Variants in PKD2L1 observed in about 807,000 individuals in gnomAD.
PKD2L1 encodes polycystin 2 like 1, transient receptor potential cation channel, also known as polycystin-2-like protein 1.
Under a neutral mutation model 93.0 loss-of-function variants are expected in PKD2L1, and 77 were observed. That is an observed-to-expected ratio of 0.83 (90% CI 0.69 to 1.00). The LOEUF is 1.00. PKD2L1 is among the 50% of genes least tolerant of loss of function. The pLI, the probability that PKD2L1 is intolerant of heterozygous loss-of-function variation, is 0.00. For synonymous variants in PKD2L1, 390 were observed against 388.0 expected, an observed-to-expected ratio of 1.01 and a Z score of -0.06; for missense variants, 977 against 990.9, an observed-to-expected ratio of 0.99 and a Z score of 0.19.
chr10:100,328,697 G>A (rs527331409), intron 2 of PKD2L1, among the ~76,000 whole-genome samples: 18 of 151,868 alleles, frequency 1.2e-4, no homozygotes, highest in Middle Eastern at 3.4e-3. Context: ...GGGTTTAAGC[G>A]ATTCTCCTGC....
chr10:100,295,503 A>G (rs2134380329), intron 7 of PKD2L1, among the ~76,000 whole-genome samples: 1 of 151,210 alleles, frequency 6.6e-6, no homozygotes, highest in African/African-American at 2.4e-5. Context: ...AGGCTGAGGC[A>G]GGTGGATGGC....
chr10:100,291,009 C>T lies in PKD2L1; in HGVS notation c.2007+292G>A, dbSNP rs1026095467. ...AGCCTGTGTTTTAGAGCATGATTCT[C>T]AACCTTGGCTATGTATTGGAATCAC... is the stretch of plus-strand genomic sequence containing the variant. On this transcript the variant is annotated intron_variant, in intron 12 of 15. Coordinates refer to ENST00000318222, the MANE Select transcript of PKD2L1 (RefSeq NM_016112.3). 7.2e-5 allele frequency among the ~76,000 whole-genome samples: 11 copies of T among 152,280 alleles called. No individual in the cohort carries two copies. In the East Asian group the frequency reaches 2.1e-3, roughly 29 times the overall value.
At chr10:100,323,391 C>T (rs1849305912) in intron 2 of PKD2L1, among the ~76,000 whole-genome samples, 1 of 152,162 alleles carries the variant, frequency 6.6e-6, no homozygotes, top group South Asian at 2.1e-4. Context: ...GCCTCAGCTT[C>T]CTGAGTAGCT....
At chr10:100,322,741 T>C (rs1423183490) in intron 2 of PKD2L1, among the ~76,000 whole-genome samples, 1 of 152,094 alleles carries the variant, frequency 6.6e-6, no homozygotes, top group Non-Finnish European at 1.5e-5. Flanking sequence ...GGGCACGGAG[T>C]GGTCCTTGCT....
chr10:100,296,158 G>A lies in PKD2L1; in HGVS notation c.1320C>T (p.Asn440=), dbSNP rs1484196107. ...CGAAGAAGAGGTTGACAGCATTCAT[G>A]TTGTTGTACTGTGTCTGCCAGAAGG... ...FLAFWQTQYN[N]MNAVNLFFAW... Residue 440 remains asparagine (N), a synonymous_variant, in exon 7 of 16, where the codon AAC becomes AAT. Coordinates refer to ENST00000318222, the MANE Select transcript of PKD2L1 (RefSeq NM_016112.3). The A allele has an allele frequency of 2.5e-6, 4 of 1,611,628 alleles. No homozygotes were observed. Among genetic ancestry groups the A allele is most frequent in the South Asian group, 1.1e-5 (1 of 90,508 alleles).
chr10:100,292,484 C>A lies in PKD2L1; in HGVS notation c.1880+464G>T, dbSNP rs552782158. On this transcript the variant is annotated intron_variant, in intron 11 of 15. Coordinates refer to ENST00000318222, the MANE Select transcript of PKD2L1 (RefSeq NM_016112.3). ...CTCCAGCCTGGGCAACAGAGCAGGA[C>A]TTTGTCTCAAAAAAAAAAAAAAAAT... Among the ~76,000 whole-genome samples, 8 of 145,272 alleles carry A rather than the reference C, an allele frequency of 5.5e-5. No individual in the cohort carries two copies. In the South Asian group the frequency reaches 1.7e-3, roughly 31 times the overall value.
At chr10:100,321,808 G>A (rs1311482039) in intron 2 of PKD2L1, among the ~76,000 whole-genome samples, 2 of 6,184 alleles carry the variant, frequency 3.2e-4, no homozygotes, top group Admixed American at 3.2e-3. Context: ...GGGAGGGAGG[G>A]AGGAAGGAAG....
At position 100,309,170 on chromosome 10, in the gene PKD2L1, G is replaced by T. The variant is rs546345839; in HGVS notation, c.350-9452C>A. Among the ~76,000 whole-genome samples, 32 of 152,212 alleles carry T rather than the reference G, an allele frequency of 2.1e-4. No homozygotes were observed. In the South Asian group the frequency reaches 5.6e-3, roughly 27 times the overall value. ...TTATGAGATCACTGAGTCACTTAATGGAATATGATACAGTCATCGAAATAG... is the reference window on the plus strand; with the variant it reads ...TTATGAGATCACTGAGTCACTTAATTGAATATGATACAGTCATCGAAATAG... On this transcript the variant is annotated intron_variant, in intron 2 of 15. Coordinates refer to ENST00000318222, the MANE Select transcript of PKD2L1 (RefSeq NM_016112.3).
chr10:100,313,713 C>T (rs1435473731), intron 2 of PKD2L1, among the ~76,000 whole-genome samples: 3 of 152,166 alleles, frequency 2.0e-5, no homozygotes, highest in Non-Finnish European at 2.9e-5. Flanking sequence ...TTATATCTAT[C>T]TACCCTCAAT....
At chr10:100,295,428 T>TAAAA (rs751427378) in intron 7 of PKD2L1, among the ~76,000 whole-genome samples, 3 of 71,224 alleles carry the variant, frequency 4.2e-5, no homozygotes, top group South Asian at 4.4e-4. Context: ...CTGGGACCAT[T>TAAAA]AAAAAAAAAA....
intron 2 of PKD2L1, among the ~76,000 whole-genome samples, chr10:100,324,556 C>T (rs1849334871): frequency 6.6e-6 from 1 of 152,152 alleles, no homozygotes; most frequent in Non-Finnish European, 1.5e-5. Context: ...TGGCTTCTCT[C>T]TTGAAAGGTA....
In PKD2L1 at chr10:100,330,023, A is replaced by G. The variant is rs1476990089; in HGVS notation, c.81T>C (p.Gly27=). ...SGAWDNPAYS[G]PPSPHGTLRV... ...TCAGCGTCCCGTGTGGGGAAGGGGG[A>G]CCACTGTAGGCGGGGTTGTCCCAGG... Residue 27 remains glycine (G), a synonymous_variant, in exon 1 of 16, where the codon GGT becomes GGC. Transcript: ENST00000318222. 6.2e-7 allele frequency: 1 copy of G among 1,612,852 alleles called. No homozygotes were observed. The highest frequency in any genetic ancestry group is 1.7e-5 in the Admixed American group (1 of 59,904).
intron 11 of PKD2L1, among the ~76,000 whole-genome samples, chr10:100,291,870 T>C (rs2134376687): frequency 6.6e-6 from 1 of 152,258 alleles, no homozygotes; most frequent in Middle Eastern, 3.4e-3. Flanking sequence ...CTTGCCTGTT[T>C]CTCTGGTCTC....
chr10:100,329,827 C>G (rs1238843899), intron 1 of PKD2L1, 42 bp downstream of exon 1: 1 of 1,402,530 alleles, frequency 7.1e-7, no homozygotes, highest in South Asian at 1.3e-5. Context: ...GTGACTCCTC[C>G]TGATTCTAAT....
At chr10:100,316,123 T>A (rs1849095812) in intron 2 of PKD2L1, among the ~76,000 whole-genome samples, 1 of 152,318 alleles carries the variant, frequency 6.6e-6, no homozygotes, top group African/African-American at 2.4e-5. Context: ...ACTGTTTGTT[T>A]ACATGTCAGC....
intron 2 of PKD2L1, among the ~76,000 whole-genome samples, chr10:100,309,309 A>T (rs988793569): frequency 1.3e-5 from 2 of 152,218 alleles, no homozygotes; most frequent in African/African-American, 4.8e-5. Context: ...TTTAAAAACC[A>T]GTGGTTTAAT....
At chr10:100,311,123 C>A (rs935759361) in intron 2 of PKD2L1, among the ~76,000 whole-genome samples, 11 of 152,236 alleles carry the variant, frequency 7.2e-5, no homozygotes, top group Non-Finnish European at 1.0e-4. Flanking sequence ...CCAGAGTTAG[C>A]ACCTCCCTAT....
chr10:100,303,262 C>T (rs1379244360), intron 2 of PKD2L1, among the ~76,000 whole-genome samples: 1 of 142,156 alleles, frequency 7.0e-6, no homozygotes, highest in Non-Finnish European at 1.5e-5. Flanking sequence ...GGCACGATCT[C>T]GGCTCACTGC....
chr10:100,301,453 G>GCC (rs1408788016), intron 2 of PKD2L1, among the ~76,000 whole-genome samples: 1 of 122,616 alleles, frequency 8.2e-6, no homozygotes, highest in African/African-American at 3.0e-5. Context: ...CCATTTTAGA[G>GCC]GCCCCCCCCC....
Sources: gnomAD v4.1 joint callset for allele counts (sites outside exome capture counted in the v4.1 genomes callset) on GRCh38, gnomAD v4.1.1 for gene constraint, MANE v1.5 for transcripts, NCBI Gene and HGNC (gene_info 2026-07-23, HGNC 2026-07-21) for gene names.